The following HCFC1 variants were observed in gnomAD, a reference collection of about 807,000 sequenced individuals.
The protein encoded by HCFC1 is host cell factor 1.
HCFC1 carries 7 observed loss-of-function variants against 105.5 expected under a neutral mutation model. That is an observed-to-expected ratio of 0.07 (90% CI 0.04 to 0.12). The LOEUF (loss-of-function observed/expected upper bound fraction) is 0.12. HCFC1 is among the 10% of genes least tolerant of loss of function. The probability of loss-of-function intolerance (pLI) is 1.00; values close to 1 mark genes in which losing one functional copy is unlikely to be tolerated. For synonymous variants in HCFC1, 918 were observed against 828.1 expected, an observed-to-expected ratio of 1.11 and a Z score of -1.86; for missense variants, 1,065 against 1,823.6, an observed-to-expected ratio of 0.58 and a Z score of 7.58.
rs2065365775 is a variant in HCFC1 at position 153,955,451 on chromosome X, G to A, written c.2948C>T (p.Ala983Val). Residue 983 changes from alanine to valine, a missense_variant, in exon 17 of 26, where the codon GCC becomes GTC. Ala to Val is a moderately conservative substitution (Grantham distance 64, BLOSUM62 0). This residue lies in a region of HCFC1 where 546 missense variants were observed against 599.9 expected (regional missense o/e 0.91). Coordinates refer to ENST00000310441, the MANE Select transcript of HCFC1 (RefSeq NM_005334.3). ...GGTGGGCTGTTCTGTAGTCGGGGAG[G>A]CCAGAATGGACACAGGGAGGTCATG... ...PVHDLPVSIL[A>V]SPTTEQPTAT... 8.3e-7 allele frequency: 1 copy of A among 1,206,318 alleles called. No homozygotes were observed. Among genetic ancestry groups the A allele is most frequent in the Admixed American group, 2.2e-5 (1 of 45,727 alleles).
Position 153,950,785 on chromosome X carries a change from C to A in HCFC1, c.5703+28G>T, listed in dbSNP as rs781974066. ...GAGGCAGGCAGAAACCAACCAGGGA[C>A]AGACGGCCACCCCACAGCAAGACTC... On this transcript the variant is annotated intron_variant, in intron 23 of 25. Transcript: ENST00000310441. The A allele has an allele frequency of 5.0e-6, 6 of 1,197,704 alleles. No individual in the cohort carries two copies. In the Admixed American group the frequency reaches 8.8e-5, roughly 18 times the overall value.
At position 153,961,573 on chromosome X, in the gene HCFC1, C is replaced by T; in HGVS notation, c.873G>A (p.Lys291=). ...VKVATHEKEW[K]CTNTLACLNL... The stretch of plus-strand genomic sequence containing the variant: ...TGAGACAAGCCAGCGTGTTGGTACA[C>T]TTCCACTCCTTCTCGTGTGTGGCCA... Residue 291 remains lysine, a synonymous_variant, in exon 6 of 26, where the codon AAG becomes AAA. Coordinates refer to ENST00000310441, the MANE Select transcript of HCFC1 (RefSeq NM_005334.3). 8.3e-7 allele frequency: 1 copy of T among 1,208,939 alleles called. No individual in the cohort carries two copies. Among genetic ancestry groups the T allele is most frequent in the Non-Finnish European group, 1.1e-6 (1 of 893,244 alleles).
intron 18 of HCFC1, chrX:153,953,231 A>C: frequency 2.3e-6 from 1 of 441,399 alleles, no homozygotes. Flanking sequence ...CCCATGTTAA[A>C]TAGGGAGGGG....
rs966755418 is a variant in HCFC1 at position 153,971,636 on chromosome X, C to T, written c.-796G>A. The T allele has an allele frequency of 3.4e-6, 1 of 296,882 alleles. No individual in the cohort carries two copies. Among genetic ancestry groups the T allele is most frequent in the East Asian group, 4.8e-5 (1 of 21,027 alleles). 24.5% of individuals were successfully genotyped at this position (296,882 alleles called of 1,213,427 possible). A position where few individuals can be genotyped will look rare whatever the true frequency, so the allele number is the denominator to read the frequency against. Reference sequence around the variant, plus strand: ...CCCCCCTATTCTCTTCCTCCTAGGTCAGTTCTTCCACTGCACACCAAACTC... The same window carrying T: ...CCCCCCTATTCTCTTCCTCCTAGGTTAGTTCTTCCACTGCACACCAAACTC... On this transcript the variant is annotated 5_prime_UTR_variant, in exon 1 of 26. Coordinates refer to ENST00000310441, the MANE Select transcript of HCFC1 (RefSeq NM_005334.3).
rs1324475427 is a variant in HCFC1 at position 153,952,584 on chromosome X, G to A, written c.4872C>T (p.Ala1624=). 2.1e-5 allele frequency: 25 copies of A among 1,203,929 alleles called. No individual in the cohort carries two copies. The highest frequency in any genetic ancestry group is 2.7e-5 in the Non-Finnish European group (24 of 891,300). ...GGGCCTGGGCTTCCTCCGTGGCTGC[G>A]GCCTGGGCAGCTGCTTCTGCAGCAG... is the stretch of plus-strand genomic sequence containing the variant. ...VTAAAEAAAQ[A]AATEEAQALA... Residue 1624 remains alanine (A), a synonymous_variant, in exon 19 of 26, where the codon GCC becomes GCT. Transcript: ENST00000310441.
chrX:153,951,686 A>G lies in HCFC1; in HGVS notation c.5282T>C (p.Phe1761Ser). The G allele has an allele frequency of 3.3e-6, 4 of 1,209,548 alleles. No homozygotes were observed. Among genetic ancestry groups the G allele is most frequent in the Non-Finnish European group, 4.5e-6 (4 of 894,574 alleles). ...CACCACAACCGGCTGGGGGGCCACA[A>G]ATGTGTTGGATGGAGCCAGGCCTAG... Reference protein sequence around the residue: ...ATESLAPSNTFVAPQPVVVAS... With the variant: ...ATESLAPSNTSVAPQPVVVAS... The change falls in exon 21 of 26, where the codon TTT (phenylalanine) becomes TCT (serine). Residue 1761 changes from phenylalanine (F) to serine (S), a missense_variant. Phe to Ser is a radical substitution (Grantham distance 155). Transcript: ENST00000310441.
chrX:153,962,123 C>T (rs1200222981), intron 5 of HCFC1, 99 bp downstream of exon 5: 6 of 617,980 alleles, frequency 9.7e-6, no homozygotes, highest in Non-Finnish European at 1.6e-5. Context: ...GAGGCATCCT[C>T]AGGCCTTAGG....
At position 153,971,349 on chromosome X, in the gene HCFC1, A is replaced by G. The variant is rs1311646059; in HGVS notation, c.-509T>C. 4.8e-5 allele frequency: 14 copies of G among 292,060 alleles called. No individual in the cohort carries two copies. Among genetic ancestry groups the G allele is most frequent in the African/African-American group, 3.0e-4 (11 of 36,387 alleles). 24.1% of individuals were successfully genotyped at this position (292,060 alleles called of 1,213,427 possible). On this transcript the variant is annotated 5_prime_UTR_variant, in exon 1 of 26. Coordinates refer to ENST00000310441, the MANE Select transcript of HCFC1 (RefSeq NM_005334.3). Reference sequence around the variant, plus strand: ...CAGCCCCGCCGGCGCTCAGACCACAATTGTGGGAGCCGCCATCTTGAGACC... The same window carrying G: ...CAGCCCCGCCGGCGCTCAGACCACAGTTGTGGGAGCCGCCATCTTGAGACC...
chrX:153,957,522 G>A lies in HCFC1; in HGVS notation c.2145C>T (p.Pro715=), dbSNP rs2065389326. The change falls in exon 13 of 26, where the codon CCC becomes CCT. Residue 715 remains proline, a synonymous_variant. Transcript: ENST00000310441. ...PVTQIIQTKG[P]LPAGTILKLV... is the part of the protein sequence containing the mutation. ...GCTTCAGGATTGTTCCCGCTGGCAG[G>A]GGCCCTTTGGTCTGAAAGGGGGAAG... 5 of 1,199,712 alleles carry A rather than the reference G, an allele frequency of 4.2e-6. No individual in the cohort carries two copies. The highest frequency in any genetic ancestry group is 5.6e-6 in the Non-Finnish European group (5 of 886,967).
At position 153,962,209 on chromosome X, in the gene HCFC1, A is replaced by G. The variant is rs782674735; in HGVS notation, c.797+13T>C. The G allele has an allele frequency of 2.5e-6, 3 of 1,187,988 alleles. No individual in the cohort carries two copies. In the South Asian group the frequency reaches 5.3e-5, roughly 21 times the overall value. On this transcript the variant is annotated intron_variant, in intron 5 of 25. Coordinates refer to ENST00000310441, the MANE Select transcript of HCFC1 (RefSeq NM_005334.3). ...AGTCTAGAGAAGAGAGACGCAGGTG[A>G]GCAGCCACTTACTTATTTCCGATGG...
chrX:153,954,843 G>A lies in HCFC1; in HGVS notation c.3556C>T (p.Pro1186Ser). 1 of 1,150,088 alleles carries A rather than the reference G, an allele frequency of 8.7e-7. No homozygotes were observed. The highest frequency in any genetic ancestry group is 2.0e-5 in the South Asian group (1 of 51,089). The allele number at this position is 1,150,088 out of a possible 1,213,427, so 94.8% of individuals were successfully genotyped here. A position where few individuals can be genotyped will look rare whatever the true frequency, so the allele number is the denominator to read the frequency against. The change falls in exon 17 of 26, where the codon CCG (proline) becomes TCG (serine). Residue 1186 changes from proline (P) to serine (S), a missense_variant. Around this residue, in one of 17 missense-constraint regions of HCFC1, gnomAD observed 546 missense variants for 599.9 expected, o/e 0.91. Coordinates refer to ENST00000310441, the MANE Select transcript of HCFC1 (RefSeq NM_005334.3). ...TTMTVMATGAPCSAGPLLGPS... is the reference protein window; with the variant it reads ...TTMTVMATGASCSAGPLLGPS... ...CCAAGGAGTGGGCCGGCCGAGCACG[G>A]GGCCCCGGTGGCCATCACAGTCATG... is the stretch of plus-strand genomic sequence containing the variant.
At position 153,957,391 on chromosome X, in the gene HCFC1, C is replaced by G; in HGVS notation, c.2276G>C (p.Ser759Thr). The G allele has an allele frequency of 5.0e-6, 6 of 1,209,292 alleles. No homozygotes were observed. The highest frequency in any genetic ancestry group is 6.7e-6 in the Non-Finnish European group (6 of 894,019). Residue 759 changes from serine (S) to threonine (T), a missense_variant, in exon 13 of 26, where the codon AGT (serine) becomes ACT (threonine). Ser to Thr is a moderately conservative substitution (Grantham distance 58). This residue lies in a region of HCFC1 where 137 missense variants were observed against 378.2 expected (regional missense o/e 0.36). Transcript: ENST00000310441. Reference sequence around the variant, plus strand: ...GGTGGTCGTGCCGGGCTTGGTGGTACTGGGGGAGACGCTGCTGATGCCCAG... The same window carrying G: ...GGTGGTCGTGCCGGGCTTGGTGGTAGTGGGGGAGACGCTGCTGATGCCCAG... ...TILGISSVSP[S>T]TTKPGTTTII...
In HCFC1 at chrX:153,950,542, C is replaced by T; in HGVS notation, c.5705G>A (p.Ser1902Asn). 2 of 1,154,449 alleles carry T rather than the reference C, an allele frequency of 1.7e-6. No individual in the cohort carries two copies. The highest frequency in any genetic ancestry group is 4.1e-5 in the South Asian group (2 of 48,763). ...GAPCAIKISK[S>N]PDGAHLTWEP... ...CCAGGTGAGGTGAGCACCATCCGGA[C>T]TCTAGAAGCCAGGGGGTCAGAAGGT... is the stretch of plus-strand genomic sequence containing the variant. The change falls in exon 24 of 26, where the codon AGT (serine) becomes AAT (asparagine). Residue 1902 changes from serine to asparagine, a missense_variant and splice_region_variant. By Grantham distance (46) the Ser-to-Asn change is conservative (BLOSUM62 1). Transcript: ENST00000310441.
chrX:153,950,095 G>T, intron 24 of HCFC1, 148 bp downstream of exon 24: 1 of 587,012 alleles, frequency 1.7e-6, no homozygotes, highest in Non-Finnish European at 2.5e-6. Flanking sequence ...CTACTTGATG[G>T]CCACCCCCGT....
rs1391874998 is a variant in HCFC1, at chrX:153,958,260, C to A, written c.1804-11G>T. On this transcript the variant is annotated splice_polypyrimidine_tract_variant and intron_variant, in intron 10 of 25. Transcript: ENST00000310441. ...GGCAGGGTTGCTCACCTGGAGGAGG[C>A]AGAGACGAGTGACAGGCCAGGCAAA... 8.5e-7 allele frequency: 1 copy of A among 1,180,731 alleles called. No homozygotes were observed. Among genetic ancestry groups the A allele is most frequent in the Non-Finnish European group, 1.2e-6 (1 of 868,905 alleles).
rs781951219 is a variant in HCFC1, at chrX:153,950,861, C to G, written c.5655G>C (p.Thr1885=). ...GPFSEISAFK[T]CLPGFPGAPC... ...GGGCCCCTGGGAAACCAGGCAGGCACGTCTTAAAGGCTGAGATTTCGCTGA... is the reference window on the plus strand; with the variant it reads ...GGGCCCCTGGGAAACCAGGCAGGCAGGTCTTAAAGGCTGAGATTTCGCTGA... The change falls in exon 23 of 26, where the codon ACG becomes ACC. Residue 1885 remains threonine, a synonymous_variant. Coordinates refer to ENST00000310441, the MANE Select transcript of HCFC1 (RefSeq NM_005334.3). 1 of 1,208,691 alleles carries G rather than the reference C, an allele frequency of 8.3e-7. No individual in the cohort carries two copies. The highest frequency in any genetic ancestry group is 1.8e-5 in the African/African-American group (1 of 57,026).
At chrX:153,957,744 C>G in intron 12 of HCFC1, 38 bp downstream of exon 12, 2 of 1,047,511 alleles carry the variant, frequency 1.9e-6, no homozygotes, top group Non-Finnish European at 2.7e-6. Context: ...GGCACCCAGG[C>G]CCCCACTCTT....
chrX:153,966,583 C>G (rs909344672), intron 1 of HCFC1, among the ~76,000 whole-genome samples: 7 of 112,659 alleles, frequency 6.2e-5, no homozygotes, highest in Non-Finnish European at 9.4e-5. Flanking sequence ...CTGGAGGGAG[C>G]TCCATGCAAG....
At chrX:153,968,523 G>A (rs1440012023) in intron 1 of HCFC1, among the ~76,000 whole-genome samples, 1 of 112,386 alleles carries the variant, frequency 8.9e-6, no homozygotes, top group African/African-American at 3.2e-5. Flanking sequence ...AGGAATTGCC[G>A]ATGACAGTTT....
Sources: allele counts gnomAD v4.1 joint callset (sites outside exome capture counted in the v4.1 genomes callset), GRCh38; gene constraint gnomAD v4.1.1; regional missense constraint gnomAD v4.1.1; transcripts MANE v1.5; gene names NCBI Gene and HGNC (gene_info 2026-07-23, HGNC 2026-07-21).